Variants in RBFOX1 observed in about 807,000 individuals in gnomAD.
RBFOX1 encodes RNA binding protein fox-1 homolog 1.
A neutral mutation model predicts 57.7 loss-of-function variants in RBFOX1; 8 were observed. That is an observed-to-expected ratio of 0.14 (90% confidence interval 0.08 to 0.25). The LOEUF (loss-of-function observed/expected upper bound fraction) is 0.25. Among genes scored for constraint, RBFOX1 ranks in the 10% least tolerant of loss-of-function variants. The probability of loss-of-function intolerance (pLI) is 1.00; values close to 1 mark genes in which losing one functional copy is unlikely to be tolerated. For synonymous variants in RBFOX1, 326 were observed against 222.4 expected (o/e 1.47, Z -4.15); for missense variants, 611 against 548.5 (o/e 1.11, Z -1.14).
At chr16:5,554,334 G>A (rs1202293167) in intron 2 of RBFOX1, among the ~76,000 whole-genome samples, 3 of 151,876 alleles carry the variant, frequency 2.0e-5, no homozygotes, top group Non-Finnish European at 2.9e-5. Flanking sequence ...AATTATATGC[G>A]AAAGTTATAA....
chr16:7,605,062 A>G (rs1386112947), intron 9 of RBFOX1, among the ~76,000 whole-genome samples: 1 of 152,154 alleles, frequency 6.6e-6, no homozygotes, highest in African/African-American at 2.4e-5. Flanking sequence ...AAGAACATTA[A>G]ATATGTCTGC....
chr16:7,309,976 C>T (rs2096272378), intron 4 of RBFOX1, among the ~76,000 whole-genome samples: 1 of 152,176 alleles, frequency 6.6e-6, no homozygotes, highest in Non-Finnish European at 1.5e-5. Context: ...AATAAAGTTT[C>T]CTATTGCCGG....
chr16:7,374,139 T>C (rs1399894212), intron 4 of RBFOX1, among the ~76,000 whole-genome samples: 2 of 152,252 alleles, frequency 1.3e-5, no homozygotes, highest in African/African-American at 4.8e-5. Context: ...AGGTACTTTA[T>C]TGCAGGTGAC....
At chr16:7,078,968 A>C (rs2058738886) in intron 4 of RBFOX1, among the ~76,000 whole-genome samples, 1 of 139,570 alleles carries the variant, frequency 7.2e-6, no homozygotes, top group South Asian at 2.4e-4. Flanking sequence ...TTGGCCTCCC[A>C]ACAAGACCCT....
intron 2 of RBFOX1, among the ~76,000 whole-genome samples, chr16:6,619,914 G>T (rs190011228): frequency 6.6e-6 from 1 of 151,990 alleles, no homozygotes; most frequent in Non-Finnish European, 1.5e-5. Flanking sequence ...GTGTGTCCAC[G>T]TGTTCTCATG....
At chr16:5,404,776 G>T (rs1311239021) in intron 1 of RBFOX1, among the ~76,000 whole-genome samples, 1 of 152,192 alleles carries the variant, frequency 6.6e-6, no homozygotes, top group African/African-American at 2.4e-5. Flanking sequence ...GAAAGATGAG[G>T]AATCAGATAA....
At chr16:6,500,887 T>G (rs78918255) in intron 2 of RBFOX1, among the ~76,000 whole-genome samples, 4 of 19,586 alleles carry the variant, frequency 2.0e-4, no homozygotes, top group South Asian at 2.1e-3. Context: ...TTTTTTTTTT[T>G]TTTTTTTTTT....
intron 4 of RBFOX1, among the ~76,000 whole-genome samples, chr16:7,255,793 A>AT (rs1009875520): frequency 2.0e-5 from 3 of 152,142 alleles, no homozygotes; most frequent in African/African-American, 7.2e-5. Context: ...TATATTTTAC[A>AT]TTTTTTTGTG....
At chr16:5,601,825 G>A (rs376190497), downstream of RBFOX1, among the ~76,000 whole-genome samples, 1 of 152,330 alleles carries the variant, frequency 6.6e-6, no homozygotes, top group South Asian at 2.1e-4. Flanking sequence ...GATCAAAGGT[G>A]TCTGAGATGG....
intron 4 of RBFOX1, among the ~76,000 whole-genome samples, chr16:7,131,268 C>T (rs1455334121): frequency 2.0e-5 from 3 of 150,510 alleles, no homozygotes; most frequent in Non-Finnish European, 4.4e-5. Context: ...ATTGCTTCGA[C>T]CTGGGAAGCG....
At chr16:7,335,057 C>T (rs2096760997) in intron 4 of RBFOX1, among the ~76,000 whole-genome samples, 1 of 152,184 alleles carries the variant, frequency 6.6e-6, no homozygotes. Context: ...TTTGCTGAGA[C>T]AGCCCATGTT....
At chr16:7,165,575 A>G (rs1326525436) in intron 4 of RBFOX1, among the ~76,000 whole-genome samples, 1 of 151,712 alleles carries the variant, frequency 6.6e-6, no homozygotes, top group African/African-American at 2.4e-5. Context: ...GATTACGGGC[A>G]TGCACCACCA....
At chr16:6,908,347 G>A (rs561869928) in intron 3 of RBFOX1, among the ~76,000 whole-genome samples, 1 of 146,956 alleles carries the variant, frequency 6.8e-6, no homozygotes, top group Non-Finnish European at 1.6e-5. Flanking sequence ...AAGTTACTCT[G>A]CCTTTGCACC....
intron 4 of RBFOX1, among the ~76,000 whole-genome samples, chr16:7,514,509 A>G (rs1339151927): frequency 6.6e-6 from 1 of 152,152 alleles, no homozygotes. Context: ...AGGCTGTGGC[A>G]GTGCTTGGTG....
intron 4 of RBFOX1, among the ~76,000 whole-genome samples, chr16:7,285,427 C>G (rs1340206447): frequency 1.3e-5 from 2 of 151,376 alleles, no homozygotes; most frequent in African/African-American, 4.9e-5. Context: ...GTAGTTTTAT[C>G]TGGTTTTGTA....
At chr16:5,358,432 G>T (rs1184513344) in intron 1 of RBFOX1, among the ~76,000 whole-genome samples, 2 of 152,134 alleles carry the variant, frequency 1.3e-5, no homozygotes, top group Non-Finnish European at 2.9e-5. Flanking sequence ...TTAAAATGTT[G>T]TGGGTACATA....
intron 4 of RBFOX1, among the ~76,000 whole-genome samples, chr16:5,911,311 T>G (rs1184927760): frequency 6.6e-6 from 1 of 152,164 alleles, no homozygotes. Flanking sequence ...CTGATGGGAA[T>G]TTTCACTGGA....
At chr16:6,616,419 G>C (rs2098141656) in intron 2 of RBFOX1, among the ~76,000 whole-genome samples, 1 of 151,270 alleles carries the variant, frequency 6.6e-6, no homozygotes, top group South Asian at 2.1e-4. Flanking sequence ...GCTCACGCCT[G>C]TAATCCCAAC....
intron 1 of RBFOX1, among the ~76,000 whole-genome samples, chr16:6,166,795 A>G (rs2096920991): frequency 1.3e-5 from 2 of 151,470 alleles, no homozygotes; most frequent in Non-Finnish European, 2.9e-5. Flanking sequence ...TTTTTTTGAG[A>G]TGGAGTCTCA....
Sources: allele counts gnomAD v4.1 joint callset (sites outside exome capture counted in the v4.1 genomes callset), GRCh38; gene constraint gnomAD v4.1.1; transcripts MANE v1.5; gene names NCBI Gene and HGNC (gene_info 2026-07-23, HGNC 2026-07-21).